PASD1: variants seen among roughly 807,000 people sequenced by gnomAD.
The protein encoded by PASD1 is PAS domain containing repressor 1, also known as circadian clock protein PASD1.
PASD1 carries 13 observed loss-of-function variants against 58.8 expected under a neutral mutation model. That is an observed-to-expected ratio of 0.22 (90% CI 0.14 to 0.35). PASD1 has a LOEUF of 0.35. Among genes scored for constraint, PASD1 ranks in the 10% least tolerant of loss-of-function variants. PASD1 has a pLI of 1.00. For synonymous variants in PASD1, 236 were observed against 216.7 expected (o/e 1.09, Z -0.78); for missense variants, 734 against 568.3 (o/e 1.29, Z -2.96).
intron 1 of PASD1, among the ~76,000 whole-genome samples, chrX:151,599,106 A>G (rs1445130592): frequency 8.9e-6 from 1 of 112,164 alleles, no homozygotes; most frequent in African/African-American, 3.2e-5. Context: ...CTTAGTGGAC[A>G]CAGCATATGT....
intron 11 of PASD1, among the ~76,000 whole-genome samples, chrX:151,667,988 C>T (rs1269588813): frequency 2.7e-5 from 3 of 111,422 alleles, no homozygotes; most frequent in African/African-American, 3.3e-5. Flanking sequence ...GCCATTTTCA[C>T]GATATTGATT....
intron 9 of PASD1, among the ~76,000 whole-genome samples, chrX:151,650,753 T>TCTTGAG (rs2014118569): frequency 8.9e-6 from 1 of 111,800 alleles, no homozygotes. Context: ...GGCCATGGAT[T>TCTTGAG]CTTGAGCAAT....
chrX:151,627,006 C>T (rs1355455526), intron 8 of PASD1, among the ~76,000 whole-genome samples: 1 of 111,240 alleles, frequency 9.0e-6, no homozygotes. Flanking sequence ...TGGTGGCTAG[C>T]TATTTACATC....
rs2014514583 is a variant in PASD1 at position 151,674,162 on chromosome X, G to C, written c.2151G>C (p.Leu717=). ...GGTCTTGCGATGAGCAGGGCACCCT[G>C]CACGGCCAACCCACCTACCATCAGG... is the stretch of plus-strand genomic sequence containing the variant. ...NTWSCDEQGT[L]HGQPTYHQVQ... Residue 717 remains leucine, a synonymous_variant, in exon 15 of 16, where the codon CTG becomes CTC. Transcript: ENST00000370357. 1 of 1,210,246 alleles carries C rather than the reference G, an allele frequency of 8.3e-7. No individual in the cohort carries two copies.
At chrX:151,578,714 G>A (rs2013046083) in intron 1 of PASD1, among the ~76,000 whole-genome samples, 1 of 111,682 alleles carries the variant, frequency 9.0e-6, no homozygotes, top group South Asian at 3.8e-4. Flanking sequence ...GATGACATTT[G>A]CCAGAGATTT....
intron 7 of PASD1, among the ~76,000 whole-genome samples, chrX:151,623,555 T>C (rs1391168301): frequency 3.6e-5 from 4 of 111,892 alleles, no homozygotes; most frequent in Admixed American, 2.9e-4. Context: ...CTTCCATTAA[T>C]TTTTCCATTC....
At position 151,592,406 on chromosome X, in the gene PASD1, T is replaced by C. The variant is rs781585123; in HGVS notation, c.-27-9121T>C. ...AGCTACTAAGCACTGGATAGTTTCCTTTCTATATGAAGGAACCTATAAATG... is the reference window on the plus strand; with the variant it reads ...AGCTACTAAGCACTGGATAGTTTCCCTTCTATATGAAGGAACCTATAAATG... On this transcript the variant is annotated intron_variant, in intron 1 of 15. Transcript: ENST00000370357. Among the ~76,000 whole-genome samples, 21 of 112,090 alleles carry C rather than the reference T, an allele frequency of 1.9e-4. No homozygotes were observed. The East Asian group carries it at 5.3e-3, about 28-fold the overall frequency.
At chrX:151,586,807 A>G (rs1569399870) in intron 1 of PASD1, among the ~76,000 whole-genome samples, 1 of 111,261 alleles carries the variant, frequency 9.0e-6, no homozygotes, top group African/African-American at 3.3e-5. Context: ...TGAAGCTTCT[A>G]GTTCGGTATT....
intron 1 of PASD1, among the ~76,000 whole-genome samples, chrX:151,591,961 C>T (rs1338904221): frequency 1.8e-5 from 2 of 112,027 alleles, no homozygotes; most frequent in East Asian, 5.6e-4. Context: ...TTTAATGCCT[C>T]TTTTATCATA....
At chrX:151,620,012 C>T (rs1342738138) in intron 4 of PASD1, among the ~76,000 whole-genome samples, 2 of 110,926 alleles carry the variant, frequency 1.8e-5, no homozygotes, top group South Asian at 3.8e-4. Flanking sequence ...AAGGGAGAGG[C>T]GGTAATGTAA....
intron 8 of PASD1, among the ~76,000 whole-genome samples, chrX:151,643,468 G>A (rs1179243990): frequency 3.6e-5 from 4 of 111,498 alleles, no homozygotes; most frequent in African/African-American, 9.8e-5. Context: ...TGAGCCTATC[G>A]ATTTCAAAGA....
At chrX:151,587,698 A>T (rs1486022043) in intron 1 of PASD1, among the ~76,000 whole-genome samples, 1 of 111,830 alleles carries the variant, frequency 8.9e-6, no homozygotes, top group African/African-American at 3.3e-5. Context: ...GTCAGTAGGG[A>T]TACCTCAAAA....
intron 1 of PASD1, among the ~76,000 whole-genome samples, chrX:151,579,039 T>A (rs2013050105): frequency 8.9e-6 from 1 of 112,464 alleles, no homozygotes; most frequent in South Asian, 3.7e-4. Flanking sequence ...GCCTGTAGTT[T>A]GACAAATTAA....
chrX:151,624,393 G>C (rs1036350458), intron 7 of PASD1, among the ~76,000 whole-genome samples: 1 of 111,436 alleles, frequency 9.0e-6, no homozygotes, highest in African/African-American at 3.3e-5. Context: ...TTAATATTGT[G>C]TTGATGTTAC....
At chrX:151,596,175 A>C (rs777939973) in intron 1 of PASD1, among the ~76,000 whole-genome samples, 2 of 112,077 alleles carry the variant, frequency 1.8e-5, no homozygotes, top group Non-Finnish European at 3.8e-5. Flanking sequence ...TGGGTAATTT[A>C]TAAAGAAAAG....
At chrX:151,593,228 AT>A (rs989373640) in intron 1 of PASD1, among the ~76,000 whole-genome samples, 1 of 110,323 alleles carries the variant, frequency 9.1e-6, no homozygotes, top group Non-Finnish European at 1.9e-5. Context: ...ATTTAAGTTT[AT>A]TTTTTTATTT....
chrX:151,658,860 A>G (rs1675133546), intron 9 of PASD1, among the ~76,000 whole-genome samples: 1 of 112,559 alleles, frequency 8.9e-6, no homozygotes, highest in Non-Finnish European at 1.9e-5. Flanking sequence ...ATTTCAATGG[A>G]CAGTGATCCA....
At chrX:151,629,676 A>G (rs2013841282) in intron 8 of PASD1, among the ~76,000 whole-genome samples, 1 of 112,251 alleles carries the variant, frequency 8.9e-6, no homozygotes, top group South Asian at 3.7e-4. Context: ...TTTAAACAAC[A>G]TGAACTCAAG....
intron 8 of PASD1, among the ~76,000 whole-genome samples, chrX:151,644,650 A>G (rs149198925): frequency 1.5e-4 from 17 of 111,963 alleles, no homozygotes; most frequent in Non-Finnish European, 2.4e-4. Context: ...AGGGTGGTCA[A>G]TGAAAGAATG....
Sources: gnomAD v4.1 joint callset for allele counts (sites outside exome capture counted in the v4.1 genomes callset) on GRCh38, gnomAD v4.1.1 for gene constraint, MANE v1.5 for transcripts, NCBI Gene and HGNC (gene_info 2026-07-23, HGNC 2026-07-21) for gene names.